The following HDAC4 variants were observed in gnomAD, a reference collection of about 807,000 sequenced individuals.
HDAC4 encodes the protein histone deacetylase A.
Under a neutral mutation model 135.1 loss-of-function variants are expected in HDAC4, and 16 were observed. The observed-to-expected ratio is 0.12, with a 90% CI of 0.08 to 0.18. The LOEUF is 0.18. HDAC4 is among the 10% of genes least tolerant of loss of function. The pLI is 1.00. For synonymous variants in HDAC4, 685 were observed against 653.4 expected, an observed-to-expected ratio of 1.05 and a Z score of -0.74; for missense variants, 1,143 against 1,511.8, an observed-to-expected ratio of 0.76 and a Z score of 4.05.
chr2:239,274,736 C>T (rs936865445), intron 2 of HDAC4, among the ~76,000 whole-genome samples: 11 of 152,134 alleles, frequency 7.2e-5, no homozygotes, highest in Non-Finnish European at 1.3e-4. Context: ...CGTGACTCAA[C>T]GGAGGGCAAG....
intron 2 of HDAC4, among the ~76,000 whole-genome samples, chr2:239,237,459 G>A (rs1160881821): frequency 2.6e-5 from 4 of 151,978 alleles, no homozygotes; most frequent in Non-Finnish European, 5.9e-5. Flanking sequence ...AGACTTGCAC[G>A]CGGAGGTCAT....
At chr2:239,244,451 C>T (rs141611203) in intron 2 of HDAC4, among the ~76,000 whole-genome samples, 28 of 152,194 alleles carry the variant, frequency 1.8e-4, no homozygotes, top group African/African-American at 6.0e-4. Context: ...TCCCTCCACA[C>T]GGCGTGTGAG....
At chr2:239,354,690 C>A (rs1229625416) in intron 1 of HDAC4, among the ~76,000 whole-genome samples, 1 of 145,474 alleles carries the variant, frequency 6.9e-6, no homozygotes, top group Non-Finnish European at 1.5e-5. Flanking sequence ...ACTTTATGTT[C>A]ATTGTATCTA....
At chr2:239,253,083 C>T (rs1392675579) in intron 2 of HDAC4, among the ~76,000 whole-genome samples, 1 of 152,258 alleles carries the variant, frequency 6.6e-6, no homozygotes, top group Non-Finnish European at 1.5e-5. Flanking sequence ...CGGCATTAAG[C>T]TCATGACATA....
chr2:239,376,901 G>A (rs1695049552), intron 1 of HDAC4, among the ~76,000 whole-genome samples: 1 of 152,116 alleles, frequency 6.6e-6, no homozygotes, highest in Non-Finnish European at 1.5e-5. Flanking sequence ...GGGGTTGCAC[G>A]ATGATAGCAA....
At chr2:239,371,983 C>G (rs1449762379) in intron 1 of HDAC4, among the ~76,000 whole-genome samples, 7 of 152,238 alleles carry the variant, frequency 4.6e-5, no homozygotes, top group African/African-American at 1.7e-4. Context: ...ACGGGAGCAG[C>G]TGCACCCGCA....
intron 2 of HDAC4, among the ~76,000 whole-genome samples, chr2:239,242,230 A>AAGGGAGGGAGGGAGGGAGGGAGGG: frequency 1.0e-5 from 1 of 99,280 alleles, no homozygotes; most frequent in African/African-American, 3.7e-5. Context: ...GAAGGAGGGG[A>AAGGGAGGGAGGGAGGGAGGGAGGG]AGGGAGGGAG....
intron 2 of HDAC4, among the ~76,000 whole-genome samples, chr2:239,310,479 C>T (rs966471299): frequency 6.6e-6 from 1 of 152,156 alleles, no homozygotes; most frequent in Non-Finnish European, 1.5e-5. Flanking sequence ...GTGTGATGTT[C>T]CCGGGGGGAT....
intron 22 of HDAC4, among the ~76,000 whole-genome samples, chr2:239,080,428 G>A (rs1209164545): frequency 1.3e-5 from 2 of 152,224 alleles, no homozygotes; most frequent in East Asian, 1.9e-4. Context: ...TGCCCTGGAC[G>A]CCCGTCACTC....
chr2:239,117,858 C>T (rs554209944), intron 12 of HDAC4, among the ~76,000 whole-genome samples: 6 of 152,292 alleles, frequency 3.9e-5, no homozygotes, highest in Admixed American at 2.0e-4. Flanking sequence ...ATCTCGGCAC[C>T]GCATCCGACT....
intron 4 of HDAC4, among the ~76,000 whole-genome samples, chr2:239,188,021 A>C (rs1439076379): frequency 6.6e-6 from 1 of 152,240 alleles, no homozygotes; most frequent in East Asian, 1.9e-4. Flanking sequence ...ACAAATGCCA[A>C]GGCAACGGTG....
intron 2 of HDAC4, among the ~76,000 whole-genome samples, chr2:239,330,821 A>G (rs1691519956): frequency 6.6e-6 from 1 of 152,232 alleles, no homozygotes; most frequent in Admixed American, 6.5e-5. Context: ...ACTGAATAAA[A>G]TATACTTTTA....
chr2:239,339,253 T>C (rs879525790), intron 2 of HDAC4, among the ~76,000 whole-genome samples: 18 of 152,320 alleles, frequency 1.2e-4, no homozygotes, highest in Admixed American at 7.2e-4. Flanking sequence ...CTGCTCACTG[T>C]CCCAGTGAAG....
At chr2:239,179,751 G>GT (rs2153010682) in intron 4 of HDAC4, among the ~76,000 whole-genome samples, 1 of 152,370 alleles carries the variant, frequency 6.6e-6, no homozygotes, top group East Asian at 1.9e-4. Context: ...CCCCGACAGA[G>GT]TAGGGCCAGC....
intron 5 of HDAC4, among the ~76,000 whole-genome samples, chr2:239,165,326 A>C (rs1486232280): frequency 1.3e-5 from 2 of 151,936 alleles, no homozygotes; most frequent in African/African-American, 4.8e-5. Context: ...TCCTCAAATC[A>C]CCATTTGCCC....
At chr2:239,333,629 A>C (rs1453754814) in intron 2 of HDAC4, among the ~76,000 whole-genome samples, 1 of 152,186 alleles carries the variant, frequency 6.6e-6, no homozygotes, top group Non-Finnish European at 1.5e-5. Flanking sequence ...CAATAAAATA[A>C]AGAAAAAAAG....
chr2:239,143,724 A>T (rs1253922734), intron 8 of HDAC4, among the ~76,000 whole-genome samples: 1 of 152,232 alleles, frequency 6.6e-6, no homozygotes, highest in Non-Finnish European at 1.5e-5. Flanking sequence ...CAATGCTCGC[A>T]CACACGGGGC....
At chr2:239,264,364 A>C (rs184300234) in intron 2 of HDAC4, among the ~76,000 whole-genome samples, 1 of 152,362 alleles carries the variant, frequency 6.6e-6, no homozygotes, top group East Asian at 1.9e-4. Context: ...AAAAGAGCGA[A>C]AGACCGTGGG....
chr2:239,106,196 G>A (rs2038116688), intron 15 of HDAC4, among the ~76,000 whole-genome samples: 1 of 152,152 alleles, frequency 6.6e-6, no homozygotes, highest in African/African-American at 2.4e-5. Context: ...CGGAGGAGCT[G>A]AGGGCGGGCG....
Sources: gnomAD v4.1 joint callset for allele counts (sites outside exome capture counted in the v4.1 genomes callset) on GRCh38, gnomAD v4.1.1 for gene constraint, MANE v1.5 for transcripts, NCBI Gene and HGNC (gene_info 2026-07-23, HGNC 2026-07-21) for gene names.